The following CD59 variants were observed in gnomAD, a reference collection of about 807,000 sequenced individuals.
The protein encoded by CD59 is CD59 glycoprotein.
In CD59, 3 loss-of-function variants were observed where a neutral mutation model predicts 7.0. The observed-to-expected ratio is 0.43, with a 90% CI of 0.19 to 1.10. The LOEUF is 1.10. Ranked by LOEUF, CD59 falls within the 50% of genes least tolerant of loss-of-function variation. The probability of loss-of-function intolerance (pLI) is 0.29; values close to 1 mark genes in which losing one functional copy is unlikely to be tolerated. For synonymous variants in CD59, 60 were observed against 62.0 expected (o/e 0.97, Z 0.15); for missense variants, 143 against 151.0 (o/e 0.95, Z 0.28).
At chr11:33,717,588 C>T (rs748621045) in intron 2 of CD59, 117 bp from the exon 3 acceptor site, 6 of 712,660 alleles carry the variant, frequency 8.4e-6, no homozygotes, top group East Asian at 2.7e-5. Flanking sequence ...CTTCCACTCC[C>T]GCACAAATGT....
At chr11:33,713,606 A>T (rs1853658706) in intron 3 of CD59, among the ~76,000 whole-genome samples, 1 of 152,238 alleles carries the variant, frequency 6.6e-6, no homozygotes. Flanking sequence ...GGTGATTCAG[A>T]CAAGTTACTG....
rs567711790 is a variant in CD59, at chr11:33,724,599, A to C, written c.-18-2136T>G. ...AGTAATGAGGTTACTTGAGGAAGAA[A>C]TTGTGTGGGGAGGGAGTGTTGGGGG... On this transcript the variant is annotated intron_variant, in intron 1 of 3. Transcript: ENST00000642928. Among the ~76,000 whole-genome samples, 85 of 152,238 alleles carry C rather than the reference A, an allele frequency of 5.6e-4. 1 individual carries two copies. The highest frequency in any genetic ancestry group is 2.5e-3 in the South Asian group (12 of 4,820).
At chr11:33,725,858 A>G (rs1854241371) in intron 1 of CD59, among the ~76,000 whole-genome samples, 1 of 152,222 alleles carries the variant, frequency 6.6e-6, no homozygotes, top group Non-Finnish European at 1.5e-5. Context: ...GCAAATGGAA[A>G]GCAAAAAAAG....
rs371527210 is a variant in CD59, at chr11:33,734,420, G to T, written c.-19+1962C>A. ...GCTGCACCTATCAACCCATCACCTA[G>T]GTATTAAGCCCAGCATGCATTAGCT... On this transcript the variant is annotated intron_variant, in intron 1 of 3. Transcript: ENST00000642928. Among the ~76,000 whole-genome samples, 252 of 152,312 alleles carry T rather than the reference G, an allele frequency of 1.7e-3. 1 individual carries two copies. The highest frequency in any genetic ancestry group is 6.8e-3 in the Middle Eastern group (2 of 294).
chr11:33,711,656 A>C (rs776204457), intron 3 of CD59, among the ~76,000 whole-genome samples: 28 of 152,162 alleles, frequency 1.8e-4, no homozygotes, highest in Non-Finnish European at 3.2e-4. Context: ...CAGCCTAGGC[A>C]ACAAAGCAAG....
chr11:33,711,875 G>T (rs548834929), intron 3 of CD59, among the ~76,000 whole-genome samples: 25 of 152,322 alleles, frequency 1.6e-4, no homozygotes, highest in African/African-American at 5.5e-4. Context: ...TTGCAAGGAA[G>T]TGGAAAAAAT....
chr11:33,704,132 C>A lies in CD59; in HGVS notation c.*5994G>T, dbSNP rs962399778. On this transcript the variant is annotated 3_prime_UTR_variant, in exon 4 of 4. Transcript: ENST00000642928. ...TCTTTAGGGATATGTCACAATTTGC[C>A]GTGCCCGGTGGCTCTGGGCAGCCTT... 2 of 152,182 alleles carry A rather than the reference C, an allele frequency of 1.3e-5. No individual in the cohort carries two copies. Among genetic ancestry groups the A allele is most frequent in the African/African-American group, 2.4e-5 (1 of 41,422 alleles). 9.4% of individuals were successfully genotyped at this position (152,182 alleles called of 1,614,324 possible). A position where few individuals can be genotyped will look rare whatever the true frequency, so the allele number is the denominator to read the frequency against.
rs1853341815 is a variant in CD59, at chr11:33,707,118, G to C, written c.*3008C>G. On this transcript the variant is annotated 3_prime_UTR_variant, in exon 4 of 4. Transcript: ENST00000642928. The stretch of plus-strand genomic sequence containing the variant: ...ACCAGAAAGCTGCCCTCATCACAAT[G>C]AATGTCAGTCAGTACTAGCTCCAGC... 6.6e-6 allele frequency: 1 copy of C among 152,250 alleles called. No individual in the cohort carries two copies. The highest frequency in any genetic ancestry group is 6.5e-5 in the Admixed American group (1 of 15,282). 9.4% of individuals were successfully genotyped at this position (152,250 alleles called of 1,614,324 possible). A position where few individuals can be genotyped will look rare whatever the true frequency, so the allele number is the denominator to read the frequency against.
intron 3 of CD59, among the ~76,000 whole-genome samples, chr11:33,714,472 G>A (rs1002918109): frequency 5.3e-5 from 8 of 152,202 alleles, no homozygotes; most frequent in African/African-American, 1.9e-4. Flanking sequence ...AGTGGTGGGC[G>A]AATGTGAAGG....
At chr11:33,722,356 T>G (rs999930112) in intron 2 of CD59, 23 bp downstream of exon 2, 19 of 1,559,306 alleles carry the variant, frequency 1.2e-5, no homozygotes, top group Non-Finnish European at 1.5e-5. Context: ...CCTAGATCCA[T>G]GTCCTGAGAC....
chr11:33,712,026 T>C (rs1853580731), intron 3 of CD59, among the ~76,000 whole-genome samples: 1 of 152,236 alleles, frequency 6.6e-6, no homozygotes. Flanking sequence ...CTTCTGCCAT[T>C]CTCTGGAAGG....
chr11:33,721,883 A>T (rs3181283), intron 2 of CD59, among the ~76,000 whole-genome samples: 21,717 of 152,224 alleles, frequency 0.14, 1,960 homozygotes, highest in African/African-American at 0.25. Context: ...AGGATTAAAT[A>T]AGCAAATACA....
chr11:33,721,723 G>A (rs568438345), intron 2 of CD59, among the ~76,000 whole-genome samples: 13 of 152,360 alleles, frequency 8.5e-5, no homozygotes, highest in African/African-American at 3.1e-4. Flanking sequence ...CAGGAGGGAA[G>A]AGCAGGGACT....
chr11:33,707,355 G>A lies in CD59; in HGVS notation c.*2771C>T, dbSNP rs1344959811. Reference sequence around the variant, plus strand: ...TTTTTTCAGGACACACATAAGACATGGGGGCTAACTGCAAGGACACAAGAA... The same window carrying A: ...TTTTTTCAGGACACACATAAGACATAGGGGCTAACTGCAAGGACACAAGAA... On this transcript the variant is annotated 3_prime_UTR_variant, in exon 4 of 4. Coordinates refer to ENST00000642928, the MANE Select transcript of CD59 (RefSeq NM_000611.6). The A allele has an allele frequency of 1.3e-5, 2 of 151,748 alleles. No individual in the cohort carries two copies. The highest frequency in any genetic ancestry group is 3.0e-5 in the Non-Finnish European group (2 of 67,662). The allele number at this position is 151,748 out of a possible 1,614,324, so 9.4% of individuals were successfully genotyped here.
intron 1 of CD59, among the ~76,000 whole-genome samples, chr11:33,727,164 A>G (rs1854283027): frequency 6.6e-6 from 1 of 152,168 alleles, no homozygotes; most frequent in Admixed American, 6.5e-5. Context: ...ATCCTCCCTA[A>G]CTCATTTTAT....
At chr11:33,734,285 G>A (rs1854501550) in intron 1 of CD59, among the ~76,000 whole-genome samples, 2 of 152,242 alleles carry the variant, frequency 1.3e-5, no homozygotes, top group Admixed American at 6.5e-5. Context: ...AGGTTCTCAT[G>A]CCAGGAATAA....
At chr11:33,711,343 A>G in intron 3 of CD59, 1 of 697,988 alleles carries the variant, frequency 1.4e-6, no homozygotes, top group Non-Finnish European at 2.6e-6. Context: ...AGTATCCAGG[A>G]TATAGAAAAC....
chr11:33,710,719 T>G (rs1215508928), intron 3 of CD59, among the ~76,000 whole-genome samples: 8 of 136,392 alleles, frequency 5.9e-5, no homozygotes, highest in Non-Finnish European at 1.2e-4. Flanking sequence ...TTTCCTTTTC[T>G]TTTCTTTTTT....
intron 2 of CD59, chr11:33,719,046 G>C (rs1301497333): frequency 6.6e-6 from 1 of 152,220 alleles, no homozygotes; most frequent in Non-Finnish European, 1.5e-5. Flanking sequence ...TCTCACAAAA[G>C]AATGTCATGG....
Sources: allele counts gnomAD v4.1 joint callset (sites outside exome capture counted in the v4.1 genomes callset), GRCh38; gene constraint gnomAD v4.1.1; transcripts MANE v1.5; gene names NCBI Gene and HGNC (gene_info 2026-07-23, HGNC 2026-07-21).